The following JAK2 variants were observed in gnomAD, a reference collection of about 807,000 sequenced individuals.
The protein encoded by JAK2 is tyrosine-protein kinase JAK2.
In JAK2, 86 loss-of-function variants were observed where a neutral mutation model predicts 139.3. That is an observed-to-expected ratio of 0.62 (90% confidence interval 0.52 to 0.74). The LOEUF is 0.74. JAK2 is among the 30% of genes least tolerant of loss of function. The pLI, the probability that JAK2 is intolerant of heterozygous loss-of-function variation, is 0.00. For synonymous variants in JAK2, 490 were observed against 437.7 expected (o/e 1.12, Z -1.49); for missense variants, 1,421 against 1,360.3 (o/e 1.04, Z -0.70).
chr9:4,984,408 C>G (rs1435539120), upstream of JAK2: 1 of 152,296 alleles, frequency 6.6e-6, no homozygotes, highest in Non-Finnish European at 1.5e-5. Flanking sequence ...CCGGGCTACA[C>G]CAGGCCACGC....
At chr9:5,028,014 T>C (rs1166488908) in intron 3 of JAK2, among the ~76,000 whole-genome samples, 2 of 152,232 alleles carry the variant, frequency 1.3e-5, no homozygotes, top group African/African-American at 4.8e-5. Context: ...CCTCCTCTCA[T>C]GAACTACAAA....
chr9:5,052,488 T>C (rs1047825325), intron 6 of JAK2, among the ~76,000 whole-genome samples: 2 of 152,138 alleles, frequency 1.3e-5, no homozygotes, highest in Non-Finnish European at 2.9e-5. Context: ...AAAGAGTTTA[T>C]TGAGATAATT....
intron 22 of JAK2, chr9:5,094,800 G>C (rs1820857735): frequency 6.6e-6 from 1 of 151,986 alleles, no homozygotes; most frequent in Non-Finnish European, 1.5e-5. Context: ...ATTTTTCTAG[G>C]AGTACTACAC....
At chr9:5,062,514 AAAAAAAAAAAAAAAAAAG>A (rs1296560053) in intron 8 of JAK2, among the ~76,000 whole-genome samples, 1 of 102,936 alleles carries the variant, frequency 9.7e-6, no homozygotes, top group Non-Finnish European at 2.4e-5. Flanking sequence ...AAAAAAAAAA[AAAAAAAAAAAAAAAAAAG>A]GTCATATCTG....
chr9:5,006,573 G>A (rs925937701), intron 2 of JAK2, among the ~76,000 whole-genome samples: 2 of 152,160 alleles, frequency 1.3e-5, no homozygotes, highest in Admixed American at 6.5e-5. Context: ...AAGGCCTCAG[G>A]AAATTTACAA....
intron 22 of JAK2, among the ~76,000 whole-genome samples, chr9:5,119,833 AG>A (rs575965640): frequency 2.6e-5 from 4 of 152,224 alleles, no homozygotes; most frequent in Non-Finnish European, 5.9e-5. Context: ...AAAGCAAATC[AG>A]GCAGTTAGCA....
chr9:5,041,126 C>A, intron 4 of JAK2: 1 of 919,012 alleles, frequency 1.1e-6, no homozygotes, highest in Non-Finnish European at 1.7e-6. Flanking sequence ...CAAGACGGTG[C>A]TCCTGATCGC....
intron 10 of JAK2, among the ~76,000 whole-genome samples, chr9:5,067,258 T>A (rs1818634020): frequency 6.6e-6 from 1 of 152,122 alleles, no homozygotes. Flanking sequence ...ACTGATGATT[T>A]TCTAATATTT....
chr9:5,093,493 G>A (rs1310780545), intron 22 of JAK2, among the ~76,000 whole-genome samples: 1 of 152,154 alleles, frequency 6.6e-6, no homozygotes, highest in Non-Finnish European at 1.5e-5. Flanking sequence ...TGACCTATTG[G>A]TGAAGAGGAG....
At position 5,128,208 on chromosome 9, in the gene JAK2, T is replaced by C. The variant is rs1231126048; in HGVS notation, c.*1417T>C. The C allele has an allele frequency of 4.3e-6, 1 of 231,788 alleles. No individual in the cohort carries two copies. Among genetic ancestry groups the C allele is most frequent in the Non-Finnish European group, 8.5e-6 (1 of 117,110 alleles). 14.4% of individuals were successfully genotyped at this position (231,788 alleles called of 1,614,324 possible). On this transcript the variant is annotated 3_prime_UTR_variant, in exon 25 of 25. Transcript: ENST00000381652. ...ATTTTTACTGGTATGTTCTACTTTT[T>C]TGAAAGTTGTACTGAAGACTTCTGA... is the stretch of plus-strand genomic sequence containing the variant.
At chr9:5,052,362 A>C (rs138435887) in intron 6 of JAK2, among the ~76,000 whole-genome samples, 65 of 152,208 alleles carry the variant, frequency 4.3e-4, no homozygotes, top group African/African-American at 1.4e-3. Context: ...CTTTTAACTC[A>C]TGCTCTTAGC....
At chr9:4,999,820 CATTA>C (rs1315729338) in intron 2 of JAK2, among the ~76,000 whole-genome samples, 1 of 152,136 alleles carries the variant, frequency 6.6e-6, no homozygotes, top group African/African-American at 2.4e-5. Flanking sequence ...CCTTTAATGT[CATTA>C]ATTTTTTCCC....
At chr9:5,021,158 A>T (rs1370539887) in intron 2 of JAK2, among the ~76,000 whole-genome samples, 2 of 152,084 alleles carry the variant, frequency 1.3e-5, no homozygotes, top group Non-Finnish European at 2.9e-5. Flanking sequence ...ATCCTGGCTG[A>T]GCAGGCTGCC....
chr9:5,040,869 CGCGGATCCGCGCCGCGCTGCTGAA>C, intron 4 of JAK2: 2 of 239,468 alleles, frequency 8.4e-6, no homozygotes, highest in Non-Finnish European at 1.7e-5. Flanking sequence ...GGGGCCGGAG[CGCGGATCCGCGCCGCGCTGCTGAA>C]GCCTGGCCGG....
At chr9:5,116,248 TAAACCCAAAAAGTCTG>T (rs1459254885) in intron 22 of JAK2, among the ~76,000 whole-genome samples, 3 of 152,290 alleles carry the variant, frequency 2.0e-5, no homozygotes, top group Non-Finnish European at 4.4e-5. Flanking sequence ...GACCAGGATT[TAAACCCAAAAAGTCTG>T]ATCCCAGAGT....
chr9:5,110,756 G>A (rs886348271), intron 22 of JAK2: 8 of 378,194 alleles, frequency 2.1e-5, no homozygotes, highest in African/African-American at 6.3e-5. Flanking sequence ...TTTGCTCTGC[G>A]GACTGGCCAT....
intron 4 of JAK2, among the ~76,000 whole-genome samples, chr9:5,040,118 T>C (rs1248133575): frequency 6.6e-6 from 1 of 152,214 alleles, no homozygotes; most frequent in African/African-American, 2.4e-5. Flanking sequence ...TACAGATTAA[T>C]GGAAAGGAAT....
chr9:5,089,822 A>C lies in JAK2; in HGVS notation c.2720A>C (p.His907Pro). The C allele has an allele frequency of 6.3e-7, 1 of 1,591,600 alleles. No individual in the cohort carries two copies. Among genetic ancestry groups the C allele is most frequent in the Non-Finnish European group, 8.6e-7 (1 of 1,169,490 alleles). Residue 907 changes from histidine (H) to proline (P), a missense_variant, in exon 20 of 25, where the codon CAT becomes CCT. Physicochemically the swap from His to Pro is moderately conservative, Grantham distance 77 (BLOSUM62 -2). Transcript: ENST00000381652. ...REIEILKSLQ[H>P]DNIVKYKGVC... ...ATTGAAATCCTGAAATCCCTACAGC[A>C]TGACAACATTGTAAAGTACAAGGGA... is the stretch of plus-strand genomic sequence containing the variant.
intron 2 of JAK2, 39 bp from the exon 3 acceptor site, chr9:5,021,924 C>A: frequency 8.0e-7 from 1 of 1,242,668 alleles, no homozygotes; most frequent in Non-Finnish European, 1.2e-6. Flanking sequence ...TGAGACACTG[C>A]GCCCAGCCCA....
Sources: allele counts gnomAD v4.1 joint callset (sites outside exome capture counted in the v4.1 genomes callset), GRCh38; gene constraint gnomAD v4.1.1; transcripts MANE v1.5; gene names NCBI Gene and HGNC (gene_info 2026-07-23, HGNC 2026-07-21).